The following KIF4A variants were observed in gnomAD, a reference collection of about 807,000 sequenced individuals.
KIF4A encodes the protein kinesin family member 4A, also known as chromosome-associated kinesin KIF4A.
Under a neutral mutation model 105.9 loss-of-function variants are expected in KIF4A, and 7 were observed. The ratio of observed to expected loss-of-function variants is 0.07; its 90% confidence interval spans 0.04 to 0.12. The LOEUF is 0.12. Ranked by LOEUF, KIF4A falls within the 10% of genes least tolerant of loss-of-function variation. The pLI, the probability that KIF4A is intolerant of heterozygous loss-of-function variation, is 1.00. For synonymous variants in KIF4A, 281 were observed against 331.3 expected, an observed-to-expected ratio of 0.85 and a Z score of 1.65; for missense variants, 558 against 929.2, an observed-to-expected ratio of 0.60 and a Z score of 5.19.
intron 22 of KIF4A, among the ~76,000 whole-genome samples, chrX:70,399,050 C>G (rs1340082368): frequency 9.0e-6 from 1 of 111,474 alleles, no homozygotes; most frequent in Non-Finnish European, 1.9e-5. Context: ...AATGGTGTTG[C>G]GAAAGCAGTA....
intron 18 of KIF4A, among the ~76,000 whole-genome samples, chrX:70,384,777 A>G (rs748272242): frequency 9.0e-6 from 1 of 110,589 alleles, no homozygotes; most frequent in African/African-American, 3.3e-5. Context: ...GAGTAATGAG[A>G]TAATGGAGAC....
chrX:70,353,921 G>A (rs189023770), intron 15 of KIF4A, 114 bp downstream of exon 15: 2 of 591,543 alleles, frequency 3.4e-6, no homozygotes, highest in Non-Finnish European at 5.1e-6. Flanking sequence ...AATGTATATA[G>A]TATAATGGGA....
intron 28 of KIF4A, among the ~76,000 whole-genome samples, chrX:70,417,511 G>A (rs2086349244): frequency 8.9e-6 from 1 of 112,058 alleles, no homozygotes; most frequent in African/African-American, 3.2e-5. Flanking sequence ...GCCGGGCATG[G>A]TGGCAGGCAC....
intron 5 of KIF4A, among the ~76,000 whole-genome samples, chrX:70,300,444 T>C: frequency 9.0e-6 from 1 of 110,963 alleles, no homozygotes; most frequent in Non-Finnish European, 1.9e-5. Flanking sequence ...TAAGGAAGAG[T>C]TTGTAAACAC....
intron 13 of KIF4A, among the ~76,000 whole-genome samples, chrX:70,349,934 C>A (rs1458925243): frequency 1.4e-4 from 14 of 100,641 alleles, no homozygotes; most frequent in Non-Finnish European, 2.6e-4. Context: ...GACGGGGTGG[C>A]GGCCGGGCAG....
At chrX:70,374,388 C>A in intron 16 of KIF4A, 134 bp downstream of exon 16, 1 of 407,967 alleles carries the variant, frequency 2.5e-6, no homozygotes, top group Non-Finnish European at 4.2e-6. Context: ...AACCTAAACA[C>A]AAAAAATGGT....
In KIF4A at chrX:70,404,046, C is replaced by G. The variant is rs765667135; in HGVS notation, c.2790+12C>G. On this transcript the variant is annotated intron_variant, in intron 24 of 30. Coordinates refer to ENST00000374403, the MANE Select transcript of KIF4A (RefSeq NM_012310.5). Reference sequence around the variant, plus strand: ...AGCACCAAGAGAAGGTAAACTCTAGCAAGTCAAGAAGCTATACTGTGAAAC... The same window carrying G: ...AGCACCAAGAGAAGGTAAACTCTAGGAAGTCAAGAAGCTATACTGTGAAAC... The G allele has an allele frequency of 2.5e-6, 3 of 1,204,506 alleles. No individual in the cohort carries two copies. Among genetic ancestry groups the G allele is most frequent in the Non-Finnish European group, 3.4e-6 (3 of 890,608 alleles).
At chrX:70,376,013 C>T in intron 17 of KIF4A, 87 bp from the exon 18 acceptor site, 1 of 589,086 alleles carries the variant, frequency 1.7e-6, no homozygotes. Context: ...TGGCTTTTCT[C>T]TCTTCTTAAT....
chrX:70,330,571 A>G (rs2085926241), intron 9 of KIF4A, among the ~76,000 whole-genome samples: 1 of 111,937 alleles, frequency 8.9e-6, no homozygotes, highest in Non-Finnish European at 1.9e-5. Flanking sequence ...TGAGAGGTGT[A>G]GACAGGGGCT....
At chrX:70,416,419 C>A (rs918106589) in intron 28 of KIF4A, among the ~76,000 whole-genome samples, 12 of 93,918 alleles carry the variant, frequency 1.3e-4, no homozygotes, top group Non-Finnish European at 1.8e-4. Context: ...GTGGCGCGAT[C>A]TCAGCTCACT....
At chrX:70,362,172 T>C in intron 15 of KIF4A, 1 of 256,843 alleles carries the variant, frequency 3.9e-6, no homozygotes, top group Non-Finnish European at 7.3e-6. Context: ...AGGCAAGACC[T>C]TGTAGTCCTC....
chrX:70,317,418 T>C (rs941030185), intron 7 of KIF4A, among the ~76,000 whole-genome samples: 1 of 111,323 alleles, frequency 9.0e-6, no homozygotes, highest in African/African-American at 3.3e-5. Flanking sequence ...AGCATCTATA[T>C]AACTACCACT....
intron 7 of KIF4A, among the ~76,000 whole-genome samples, chrX:70,314,354 T>C (rs752778544): frequency 1.6e-4 from 18 of 111,775 alleles, no homozygotes; most frequent in Non-Finnish European, 2.8e-4. Flanking sequence ...TTACTGTGGA[T>C]TGGGGGAAAG....
chrX:70,400,764 T>G (rs943780555), intron 22 of KIF4A, among the ~76,000 whole-genome samples: 10 of 106,936 alleles, frequency 9.4e-5, no homozygotes, highest in Admixed American at 4.0e-4. Context: ...TAGGTTTATG[T>G]TTTTTTTTTG....
intron 2 of KIF4A, 21 bp downstream of exon 2, chrX:70,290,599 C>T: frequency 8.3e-7 from 1 of 1,209,888 alleles, no homozygotes; most frequent in Non-Finnish European, 1.1e-6. Flanking sequence ...GAGTCCAGAG[C>T]CTGTGTCTGA....
intron 5 of KIF4A, among the ~76,000 whole-genome samples, chrX:70,299,896 G>A (rs1490201225): frequency 8.9e-6 from 1 of 111,918 alleles, no homozygotes; most frequent in Non-Finnish European, 1.9e-5. Context: ...GCAAGATGAG[G>A]AGCTAGAACT....
chrX:70,318,796 A>G (rs1056176982), intron 7 of KIF4A, among the ~76,000 whole-genome samples: 1 of 111,710 alleles, frequency 9.0e-6, no homozygotes, highest in Admixed American at 9.5e-5. Context: ...CGTCTTGCTC[A>G]TTTTTCTATT....
At chrX:70,405,973 G>A in intron 26 of KIF4A, 68 bp downstream of exon 26, 1 of 861,962 alleles carries the variant, frequency 1.2e-6, no homozygotes, top group Non-Finnish European at 1.7e-6. Flanking sequence ...CAGCTCTTGG[G>A]ACCAACCCCC....
intron 28 of KIF4A, among the ~76,000 whole-genome samples, chrX:70,410,990 G>T (rs967816760): frequency 2.7e-4 from 30 of 112,730 alleles, no homozygotes; most frequent in African/African-American, 9.3e-4. Context: ...GAAAAGTTAG[G>T]AGGAATATAT....
Sources: allele counts gnomAD v4.1 joint callset (sites outside exome capture counted in the v4.1 genomes callset), GRCh38; gene constraint gnomAD v4.1.1; transcripts MANE v1.5; gene names NCBI Gene and HGNC (gene_info 2026-07-23, HGNC 2026-07-21).